The following PTPRR variants were observed in gnomAD, a reference collection of about 807,000 sequenced individuals.
PTPRR encodes the protein protein tyrosine phosphatase receptor type R, also known as receptor-type tyrosine-protein phosphatase R.
Under a neutral mutation model 77.2 loss-of-function variants are expected in PTPRR, and 38 were observed. That is an observed-to-expected ratio of 0.49 (90% CI 0.38 to 0.65). The LOEUF (loss-of-function observed/expected upper bound fraction) is 0.65. PTPRR is among the 30% of genes least tolerant of loss of function. The pLI, the probability that PTPRR is intolerant of heterozygous loss-of-function variation, is 0.00. For synonymous variants in PTPRR, 299 were observed against 283.1 expected (o/e 1.06, Z -0.57); for missense variants, 744 against 799.2 (o/e 0.93, Z 0.83).
chr12:70,858,564 G>C (rs1455962745), intron 2 of PTPRR, among the ~76,000 whole-genome samples: 1 of 146,824 alleles, frequency 6.8e-6, no homozygotes, highest in African/African-American at 2.7e-5. Context: ...TTAGAGTTTG[G>C]GCACTTTATC....
chr12:70,858,840 C>G lies in PTPRR; in HGVS notation c.357+33839G>C, dbSNP rs563763820. ...GTCCATAATGAGTTTTAGCTGGCAA[C>G]TGCTTATATATTCGGTTGAGTCCTG... On this transcript the variant is annotated intron_variant, in intron 2 of 13. Transcript: ENST00000283228. Among the ~76,000 whole-genome samples the G allele has an allele frequency of 2.3e-4, 35 of 152,088 alleles. No individual in the cohort carries two copies. In the South Asian group the frequency reaches 7.1e-3, roughly 31 times the overall value.
chr12:70,795,106 T>A (rs545208453), intron 2 of PTPRR, among the ~76,000 whole-genome samples: 48 of 152,248 alleles, frequency 3.2e-4, no homozygotes, highest in Admixed American at 1.0e-3. Context: ...CAATATATAT[T>A]TTTTTAAAAT....
At chr12:70,765,206 G>T (rs1023461892) in intron 2 of PTPRR, among the ~76,000 whole-genome samples, 1 of 152,196 alleles carries the variant, frequency 6.6e-6, no homozygotes, top group Non-Finnish European at 1.5e-5. Context: ...GCAGGGTGAG[G>T]CATTGCCTCA....
intron 2 of PTPRR, among the ~76,000 whole-genome samples, chr12:70,835,768 A>G (rs1892290834): frequency 6.6e-6 from 1 of 152,174 alleles, no homozygotes; most frequent in Non-Finnish European, 1.5e-5. Context: ...CAAAATGAAT[A>G]TCAATTTTAA....
At chr12:70,872,081 TA>T (rs1190803004) in intron 2 of PTPRR, among the ~76,000 whole-genome samples, 2 of 152,222 alleles carry the variant, frequency 1.3e-5, no homozygotes, top group Non-Finnish European at 2.9e-5. Context: ...TCTTATAAAA[TA>T]GACGTGATTT....
intron 2 of PTPRR, among the ~76,000 whole-genome samples, chr12:70,803,446 G>A (rs1891652248): frequency 6.6e-6 from 1 of 152,112 alleles, no homozygotes; most frequent in Non-Finnish European, 1.5e-5. Flanking sequence ...CCAAGAAGAA[G>A]CAGTATGCAA....
At chr12:70,920,196 C>T (rs953750869) in intron 1 of PTPRR, 137 bp downstream of exon 1, 4 of 884,088 alleles carry the variant, frequency 4.5e-6, no homozygotes, top group Non-Finnish European at 7.0e-6. Flanking sequence ...TCCCTCACCC[C>T]TTCCCTGTCA....
intron 2 of PTPRR, among the ~76,000 whole-genome samples, chr12:70,822,192 C>T (rs1290515908): frequency 6.6e-6 from 1 of 152,088 alleles, no homozygotes; most frequent in Admixed American, 6.6e-5. Flanking sequence ...TTTAACCTAA[C>T]ATGGAGAACA....
chr12:70,684,026 T>C, intron 10 of PTPRR, 101 bp downstream of exon 10: 2 of 1,282,124 alleles, frequency 1.6e-6, no homozygotes, highest in South Asian at 3.1e-5. Flanking sequence ...TGTCTCAGAG[T>C]TTCCATCTTA....
chr12:70,701,576 A>T (rs1186241771), intron 6 of PTPRR, among the ~76,000 whole-genome samples: 1 of 152,222 alleles, frequency 6.6e-6, no homozygotes, highest in Non-Finnish European at 1.5e-5. Flanking sequence ...TATACTTATT[A>T]CAGAAATCAT....
chr12:70,866,454 CACAT>C (rs1421199977), intron 2 of PTPRR, among the ~76,000 whole-genome samples: 1 of 152,112 alleles, frequency 6.6e-6, no homozygotes, highest in Non-Finnish European at 1.5e-5. Context: ...AATTCCTCGA[CACAT>C]ACACCCTCCC....
chr12:70,718,088 C>T (rs981020490), intron 6 of PTPRR, among the ~76,000 whole-genome samples: 9 of 152,100 alleles, frequency 5.9e-5, no homozygotes, highest in African/African-American at 2.2e-4. Flanking sequence ...TACTAACTGT[C>T]TGAATCAGGA....
intron 7 of PTPRR, among the ~76,000 whole-genome samples, chr12:70,699,600 C>A (rs573146022): frequency 6.6e-6 from 1 of 152,324 alleles, no homozygotes; most frequent in African/African-American, 2.4e-5. Flanking sequence ...GCATGAGCCA[C>A]AACACCTGGC....
intron 5 of PTPRR, among the ~76,000 whole-genome samples, chr12:70,746,906 A>G (rs1323997170): frequency 6.6e-6 from 1 of 151,474 alleles, no homozygotes; most frequent in Non-Finnish European, 1.5e-5. Context: ...TGTAATCTGG[A>G]AACTTTTATA....
intron 13 of PTPRR, among the ~76,000 whole-genome samples, chr12:70,645,396 T>C (rs7978668): frequency 0.14 from 21,229 of 152,232 alleles, 1,820 homozygotes; most frequent in African/African-American, 0.24. Flanking sequence ...AAATAAATGC[T>C]GTGTATTATT....
At chr12:70,763,174 G>C (rs1464949242) in intron 3 of PTPRR, among the ~76,000 whole-genome samples, 1 of 151,746 alleles carries the variant, frequency 6.6e-6, no homozygotes, top group African/African-American at 2.4e-5. Flanking sequence ...TGTTGTCCAG[G>C]CTGGAGTGCC....
Position 70,746,050 on chromosome 12 carries a change from A to G in PTPRR, c.775T>C (p.Leu259=). The G allele has an allele frequency of 6.2e-7, 1 of 1,613,258 alleles. No individual in the cohort carries two copies. The highest frequency in any genetic ancestry group is 2.2e-5 in the East Asian group (1 of 44,874). Residue 259 remains leucine (L), a synonymous_variant, in exon 6 of 14, where the codon TTA becomes CTA. Coordinates refer to ENST00000283228, the MANE Select transcript of PTPRR (RefSeq NM_002849.4). The part of the protein sequence containing the change: ...YRLKERFQLS[L]RQDKEKNQEI... ...TGGTTTTTCTCTTTGTCTTGTCTTA[A>G]GGAAAGCTGAAATCTTTCTTTTAAT...
At chr12:70,864,932 CT>C (rs1413352269) in intron 2 of PTPRR, among the ~76,000 whole-genome samples, 2 of 152,152 alleles carry the variant, frequency 1.3e-5, no homozygotes, top group African/African-American at 4.8e-5. Flanking sequence ...CTGCCTTAGC[CT>C]CCTGAGTAGC....
chr12:70,695,023 CT>C (rs1888183281), intron 8 of PTPRR, among the ~76,000 whole-genome samples: 1 of 152,026 alleles, frequency 6.6e-6, no homozygotes, highest in South Asian at 2.1e-4. Flanking sequence ...TTGATATAAA[CT>C]TGACTTTAGC....
Sources: allele counts gnomAD v4.1 joint callset (sites outside exome capture counted in the v4.1 genomes callset), GRCh38; gene constraint gnomAD v4.1.1; transcripts MANE v1.5; gene names NCBI Gene and HGNC (gene_info 2026-07-23, HGNC 2026-07-21).